Variants in MGRN1 observed in about 807,000 individuals in gnomAD.
MGRN1 encodes the protein mahogunin ring finger 1, also known as E3 ubiquitin-protein ligase MGRN1.
MGRN1 carries 29 observed loss-of-function variants against 69.2 expected under a neutral mutation model. The observed-to-expected ratio is 0.42, with a 90% CI of 0.31 to 0.57. MGRN1 has a LOEUF of 0.57. Among genes scored for constraint, MGRN1 ranks in the 20% least tolerant of loss-of-function variants. MGRN1 has a pLI of 0.15. For synonymous variants in MGRN1, 470 were observed against 344.2 expected (o/e 1.37, Z -4.04); for missense variants, 998 against 796.2 (o/e 1.25, Z -3.05).
In MGRN1 at chr16:4,673,482, G is replaced by T; in HGVS notation, c.796-16G>T. ...CCTTTGGGAGGCTGCTGACCCACAA[G>T]CCCTTGTCCCGGCAGCCCTCGGACG... is the stretch of plus-strand genomic sequence containing the variant. On this transcript the variant is annotated splice_polypyrimidine_tract_variant and intron_variant, in intron 9 of 16. Coordinates refer to ENST00000262370, the MANE Select transcript of MGRN1 (RefSeq NM_015246.4). 6.2e-7 allele frequency: 1 copy of T among 1,609,582 alleles called. No individual in the cohort carries two copies.
intron 1 of MGRN1, among the ~76,000 whole-genome samples, chr16:4,627,526 G>T (rs183048895): frequency 1.3e-5 from 2 of 152,252 alleles, no homozygotes; most frequent in Non-Finnish European, 2.9e-5. Context: ...GGTGGCTCAC[G>T]CCTATAATCC....
At chr16:4,656,688 T>C (rs535942345) in intron 4 of MGRN1, among the ~76,000 whole-genome samples, 76 of 152,156 alleles carry the variant, frequency 5.0e-4, no homozygotes, top group African/African-American at 1.8e-3. Context: ...CGAGACCAGC[T>C]TGGCCAACAT....
intron 5 of MGRN1, among the ~76,000 whole-genome samples, chr16:4,661,540 A>T (rs1383717984): frequency 2.6e-5 from 4 of 152,244 alleles, no homozygotes; most frequent in African/African-American, 9.6e-5. Context: ...ACTGAGGCTC[A>T]GGTGGGGTTC....
In MGRN1 at chr16:4,682,922, C is replaced by A. The variant is rs746393638; in HGVS notation, c.1458C>A (p.Ala486=). The change falls in exon 14 of 17, where the codon GCC becomes GCA. Residue 486 remains alanine, a synonymous_variant. Coordinates refer to ENST00000262370, the MANE Select transcript of MGRN1 (RefSeq NM_015246.4). The part of the protein sequence containing the change: ...APPPLGGAEL[A]LRESSSPESF... ...CCCCACTGGGTGGCGCAGAGCTGGC[C>A]CTGCGGGAAAGCAGCTCCCCTGAGG... is the stretch of plus-strand genomic sequence containing the variant. The A allele has an allele frequency of 4.4e-6, 7 of 1,599,420 alleles. No individual in the cohort carries two copies. In the South Asian group the frequency reaches 7.8e-5, roughly 18 times the overall value.
chr16:4,651,560 A>C lies in MGRN1; in HGVS notation c.208-403A>C, dbSNP rs554786968. Among the ~76,000 whole-genome samples the C allele has an allele frequency of 3.0e-3, 449 of 152,140 alleles. 1 individual carries two copies. Among genetic ancestry groups the C allele is most frequent in the African/African-American group, 0.01 (426 of 41,536 alleles). ...GACAGGAGGCCGGAAGAGCCAGTAA[A>C]CTTTGGGGGCCCTGGGGCGGGTTGC... is the stretch of plus-strand genomic sequence containing the variant. On this transcript the variant is annotated intron_variant, in intron 2 of 16. Coordinates refer to ENST00000262370, the MANE Select transcript of MGRN1 (RefSeq NM_015246.4).
chr16:4,662,344 G>A lies in MGRN1; in HGVS notation c.562-2365G>A, dbSNP rs563652499. 8.6e-5 allele frequency among the ~76,000 whole-genome samples: 13 copies of A among 152,030 alleles called. No homozygotes were observed. The East Asian group carries it at 1.5e-3, about 18-fold the overall frequency. On this transcript the variant is annotated intron_variant, in intron 5 of 16. Coordinates refer to ENST00000262370, the MANE Select transcript of MGRN1 (RefSeq NM_015246.4). Reference sequence around the variant, plus strand: ...AGCTTGGCCAACATGGTGAAACCCCGTCTCTACTAAAAATACAAAAATTTA... The same window carrying A: ...AGCTTGGCCAACATGGTGAAACCCCATCTCTACTAAAAATACAAAAATTTA...
intron 11 of MGRN1, among the ~76,000 whole-genome samples, 157 bp from the exon 12 acceptor site, chr16:4,679,875 A>G (rs774255362): frequency 6.6e-6 from 1 of 151,910 alleles, no homozygotes; most frequent in Non-Finnish European, 1.5e-5. Context: ...ACCCGAGTCA[A>G]CCCTCACTTA....
intron 1 of MGRN1, among the ~76,000 whole-genome samples, chr16:4,635,440 A>C (rs2141834583): frequency 6.6e-6 from 1 of 152,168 alleles, no homozygotes; most frequent in Non-Finnish European, 1.5e-5. Flanking sequence ...AAGTCAAATA[A>C]AAAATAATAA....
At chr16:4,656,098 A>G (rs966623147) in intron 4 of MGRN1, among the ~76,000 whole-genome samples, 1 of 152,218 alleles carries the variant, frequency 6.6e-6, no homozygotes, top group Non-Finnish European at 1.5e-5. Flanking sequence ...AGCCCTGGCC[A>G]CAGGCAAGCA....
At chr16:4,682,545 C>G (rs1317986256) in intron 13 of MGRN1, among the ~76,000 whole-genome samples, 1 of 152,234 alleles carries the variant, frequency 6.6e-6, no homozygotes, top group Non-Finnish European at 1.5e-5. Flanking sequence ...CCAGGAACCA[C>G]CAGCGGTTTC....
chr16:4,664,871 C>A, intron 6 of MGRN1, 96 bp downstream of exon 6: 2 of 1,507,740 alleles, frequency 1.3e-6, no homozygotes, highest in East Asian at 2.3e-5. Flanking sequence ...ATGAAGCAGG[C>A]CAGGCATAGG....
chr16:4,671,185 G>A, intron 8 of MGRN1: 2 of 593,058 alleles, frequency 3.4e-6, no homozygotes, highest in Middle Eastern at 4.5e-4. Context: ...AGAGCCACCG[G>A]CTCCAGCCCT....
chr16:4,665,841 T>A (rs1202180599), intron 7 of MGRN1, among the ~76,000 whole-genome samples: 1 of 151,890 alleles, frequency 6.6e-6, no homozygotes, highest in Non-Finnish European at 1.5e-5. Flanking sequence ...GCCAATTTTT[T>A]TTTTTTGAGA....
At chr16:4,673,970 C>T (rs879780829) in intron 10 of MGRN1, among the ~76,000 whole-genome samples, 1 of 152,156 alleles carries the variant, frequency 6.6e-6, no homozygotes, top group Non-Finnish European at 1.5e-5. Context: ...TGAATGAAAT[C>T]TTTATTCTTA....
intron 11 of MGRN1, among the ~76,000 whole-genome samples, chr16:4,679,308 T>G (rs1178763898): frequency 6.6e-6 from 1 of 152,192 alleles, no homozygotes; most frequent in South Asian, 2.1e-4. Context: ...GGTCCCTCCA[T>G]GTTTGTCCCT....
chr16:4,650,650 A>G, intron 2 of MGRN1, 167 bp downstream of exon 2: 1 of 549,826 alleles, frequency 1.8e-6, no homozygotes, highest in East Asian at 3.2e-5. Flanking sequence ...GTGCCCTGGA[A>G]TGGGTTGTGT....
chr16:4,640,452 G>T (rs1469092696), intron 1 of MGRN1: 1 of 152,288 alleles, frequency 6.6e-6, no homozygotes, highest in East Asian at 1.9e-4. Flanking sequence ...TGTGCAGGTT[G>T]CCCGGACACC....
chr16:4,668,866 GTA>G (rs1328727817), intron 8 of MGRN1, among the ~76,000 whole-genome samples: 2 of 151,506 alleles, frequency 1.3e-5, no homozygotes, highest in African/African-American at 4.9e-5. Flanking sequence ...AAACTCACAT[GTA>G]TACTCATACA....
At chr16:4,654,715 G>A (rs922994788) in intron 4 of MGRN1, among the ~76,000 whole-genome samples, 1 of 152,240 alleles carries the variant, frequency 6.6e-6, no homozygotes, top group Non-Finnish European at 1.5e-5. Flanking sequence ...CATGTGTCCT[G>A]TGCACAGCCC....
Sources: allele counts gnomAD v4.1 joint callset (sites outside exome capture counted in the v4.1 genomes callset), GRCh38; gene constraint gnomAD v4.1.1; transcripts MANE v1.5; gene names NCBI Gene and HGNC (gene_info 2026-07-23, HGNC 2026-07-21).